Variants in ABLIM1 observed in about 807,000 individuals in gnomAD.
ABLIM1 encodes the protein actin-binding LIM protein 1.
Under a neutral mutation model 107.0 loss-of-function variants are expected in ABLIM1, and 40 were observed. The ratio of observed to expected loss-of-function variants is 0.37; its 90% CI spans 0.29 to 0.49. The LOEUF is 0.49. Ranked by LOEUF, ABLIM1 falls within the 20% of genes least tolerant of loss-of-function variation. ABLIM1 has a pLI of 0.97. For synonymous variants in ABLIM1, 357 were observed against 357.3 expected (o/e 1.00, Z 0.01); for missense variants, 857 against 1,008.5 (o/e 0.85, Z 2.04).
At position 114,441,004 on chromosome 10, in the gene ABLIM1, A is replaced by T. The variant is rs1213307689; in HGVS notation, c.2059+13T>A. On this transcript the variant is annotated intron_variant, in intron 19 of 22. Transcript: ENST00000533213. ...AGACGTGGCCATGCTCAGCCTGGCC[A>T]TGGGAGCCTCACCTCGCACTCCCCC... The T allele has an allele frequency of 1.3e-6, 2 of 1,582,284 alleles. No individual in the cohort carries two copies. Among genetic ancestry groups the T allele is most frequent in the Admixed American group, 1.8e-5 (1 of 55,684 alleles).
chr10:114,483,131 T>C (rs1304762274), intron 8 of ABLIM1, among the ~76,000 whole-genome samples: 3 of 152,186 alleles, frequency 2.0e-5, no homozygotes, highest in African/African-American at 7.2e-5. Flanking sequence ...GAAGATTGTA[T>C]GAAAAATACA....
At chr10:114,652,969 C>T (rs1313683535) in intron 1 of ABLIM1, among the ~76,000 whole-genome samples, 1 of 152,250 alleles carries the variant, frequency 6.6e-6, no homozygotes, top group Non-Finnish European at 1.5e-5. Flanking sequence ...TGCTGAAGTA[C>T]GTAATTAGCA....
At chr10:114,662,742 T>C (rs1442565785), upstream of ABLIM1, among the ~76,000 whole-genome samples, 3 of 152,200 alleles carry the variant, frequency 2.0e-5, no homozygotes, top group African/African-American at 7.2e-5. Flanking sequence ...ATAATTCAGA[T>C]ACTACATAAA....
the ABLIM1 span, among the ~76,000 whole-genome samples, chr10:114,783,585 G>C: frequency 2.0e-5 from 3 of 151,892 alleles, no homozygotes; most frequent in Non-Finnish European, 4.4e-5. Context: ...TGTAACGGTG[G>C]GATAGGGGAG....
chr10:114,759,604 GA>G (rs759041921), intron 1 of ABLIM1, among the ~76,000 whole-genome samples: 2 of 152,162 alleles, frequency 1.3e-5, no homozygotes, highest in Non-Finnish European at 2.9e-5. Flanking sequence ...TGCCATTTGG[GA>G]AAATAGCCCA....
intron 1 of ABLIM1, among the ~76,000 whole-genome samples, chr10:114,671,471 C>T (rs1156678302): frequency 2.1e-4 from 32 of 152,210 alleles, no homozygotes; most frequent in Non-Finnish European, 1.5e-5. Context: ...TATGCACACA[C>T]ACGGATGTAT....
intron 1 of ABLIM1, among the ~76,000 whole-genome samples, chr10:114,656,269 CAAAAAAAAAAAAAA>C (rs71007486): frequency 3.1e-5 from 2 of 63,572 alleles, no homozygotes; most frequent in African/African-American, 1.4e-4. Context: ...AACTCCGTCT[CAAAAAAAAAAAAAA>C]AAAAAAAAAG....
upstream of ABLIM1, among the ~76,000 whole-genome samples, chr10:114,687,075 C>T (rs530760419): frequency 2.6e-5 from 4 of 152,236 alleles, no homozygotes; most frequent in South Asian, 4.2e-4. Flanking sequence ...GGAAAGTGAC[C>T]GTCACTTAGC....
At chr10:114,552,949 A>T (rs2068254282) in intron 4 of ABLIM1, among the ~76,000 whole-genome samples, 1 of 152,216 alleles carries the variant, frequency 6.6e-6, no homozygotes, top group East Asian at 1.9e-4. Context: ...GACATCCCAG[A>T]GCTATGAAAG....
chr10:114,576,414 T>A (rs1342573031), intron 2 of ABLIM1, among the ~76,000 whole-genome samples: 2 of 152,224 alleles, frequency 1.3e-5, no homozygotes, highest in Non-Finnish European at 2.9e-5. Flanking sequence ...CAGCCAAAGC[T>A]GGAAATCTCT....
Position 114,731,307 on chromosome 10 carries a change from AT to A in ABLIM1, c.-213+36753del, listed in dbSNP as rs1175388858. Among the ~76,000 whole-genome samples the A allele has an allele frequency of 6.6e-5, 10 of 151,088 alleles. No homozygotes were observed. In the East Asian group the frequency reaches 2.0e-3, roughly 30 times the overall value. On this transcript the variant is annotated intron_variant, in intron 1 of 15. Transcript: ENST00000651092. ...AGGTGCCTGCCACCACACCCAGATAATTTTTTTTATTTTTAGTAGAAACAGG... is the reference window on the plus strand; with the variant it reads ...AGGTGCCTGCCACCACACCCAGATAATTTTTTTATTTTTAGTAGAAACAGG...
At chr10:114,754,115 G>A (rs2082578230) in intron 1 of ABLIM1, among the ~76,000 whole-genome samples, 1 of 152,190 alleles carries the variant, frequency 6.6e-6, no homozygotes, top group African/African-American at 2.4e-5. Context: ...GCCTCCCAAA[G>A]TGCTGGGATT....
chr10:114,461,157 G>A (rs1399497934), intron 12 of ABLIM1, among the ~76,000 whole-genome samples: 1 of 151,228 alleles, frequency 6.6e-6, no homozygotes, highest in Non-Finnish European at 1.5e-5. Flanking sequence ...TCCACCTCCT[G>A]GGCTCAAGCA....
At chr10:114,626,400 G>A (rs1429469271) in intron 1 of ABLIM1, among the ~76,000 whole-genome samples, 1 of 152,144 alleles carries the variant, frequency 6.6e-6, no homozygotes, top group Non-Finnish European at 1.5e-5. Context: ...TCTTCCTTAA[G>A]GTAGATTGTA....
rs187279313 is a variant in ABLIM1 at position 114,631,247 on chromosome 10, C to A, written c.244+26710G>T. Among the ~76,000 whole-genome samples, 14 of 152,322 alleles carry A rather than the reference C, an allele frequency of 9.2e-5. No individual in the cohort carries two copies. In the East Asian group the frequency reaches 2.5e-3, roughly 27 times the overall value. On this transcript the variant is annotated intron_variant, in intron 1 of 22. Transcript: ENST00000533213. ...AAATGTACCTTCCATTTCAGGACCACGCCTAGTGCATAAATGATGTACACC... is the reference window on the plus strand; with the variant it reads ...AAATGTACCTTCCATTTCAGGACCAAGCCTAGTGCATAAATGATGTACACC...
intron 6 of ABLIM1, among the ~76,000 whole-genome samples, chr10:114,514,688 T>C (rs116886710): frequency 0.018 from 2,685 of 152,302 alleles, 44 homozygotes; most frequent in East Asian, 0.059. Flanking sequence ...TGAATTAATT[T>C]TTATAGTTGA....
At chr10:114,547,485 A>G in intron 5 of ABLIM1, 165 bp downstream of exon 5, 1 of 782,560 alleles carries the variant, frequency 1.3e-6, no homozygotes, top group Non-Finnish European at 2.0e-6. Context: ...AGGCAAAAGA[A>G]TACAATTCTT....
Position 114,546,297 on chromosome 10 carries a change from C to CTT in ABLIM1, c.801-1201_801-1200dup, listed in dbSNP as rs373431588. On this transcript the variant is annotated intron_variant, in intron 5 of 22. Coordinates refer to ENST00000533213, the MANE Select transcript of ABLIM1 (RefSeq NM_002313.7). ...GAGCTTCTTGCCTTTTCTTTTCTTT[C>CTT]TTTTTTTTTTTTTTTGAGACAGAGT... Among the ~76,000 whole-genome samples the CTT allele has an allele frequency of 5.3e-3, 736 of 139,080 alleles. 6 individuals are homozygous for CTT. The highest frequency in any genetic ancestry group is 0.015 in the African/African-American group (564 of 37,794). 91.2% of individuals were successfully genotyped at this position (139,080 alleles called of 152,430 possible).
chr10:114,552,709 T>A (rs1236577473), intron 4 of ABLIM1, among the ~76,000 whole-genome samples: 1 of 152,200 alleles, frequency 6.6e-6, no homozygotes, highest in Non-Finnish European at 1.5e-5. Context: ...CTTAATATAT[T>A]TTATTTGTTT....
Sources: gnomAD v4.1 joint callset for allele counts (sites outside exome capture counted in the v4.1 genomes callset) on GRCh38, gnomAD v4.1.1 for gene constraint, MANE v1.5 for transcripts, NCBI Gene and HGNC (gene_info 2026-07-23, HGNC 2026-07-21) for gene names.